RPE65: variants seen among roughly 807,000 people sequenced by gnomAD.
RPE65 encodes retinoid isomerohydrolase RPE65.
RPE65 carries 58 observed loss-of-function variants against 68.5 expected under a neutral mutation model. That is an observed-to-expected ratio of 0.85 (90% CI 0.69 to 1.05). The LOEUF is 1.05. Among genes scored for constraint, RPE65 ranks in the 50% least tolerant of loss-of-function variants. RPE65 has a pLI of 0.00. For missense variants in RPE65, 643 were observed against 629.9 expected (o/e 1.02, Z -0.22); for synonymous variants, 220 against 222.2 (o/e 0.99, Z 0.09).
intron 10 of RPE65, among the ~76,000 whole-genome samples, chr1:68,434,296 G>A (rs1247996214): frequency 1.3e-5 from 2 of 152,038 alleles, no homozygotes; most frequent in African/African-American, 4.8e-5. Context: ...CCTGTACAGA[G>A]GAGAAACTGA....
intron 2 of RPE65, among the ~76,000 whole-genome samples, chr1:68,448,335 G>A (rs1387264411): frequency 6.6e-6 from 1 of 152,188 alleles, no homozygotes; most frequent in African/African-American, 2.4e-5. Context: ...GACATTTATA[G>A]GACATTTACT....
At chr1:68,439,707 T>G in intron 6 of RPE65, 65 bp from the exon 7 acceptor site, 1 of 1,211,288 alleles carries the variant, frequency 8.3e-7, no homozygotes, top group Non-Finnish European at 1.2e-6. Context: ...TACAAAGCAT[T>G]TAGAACAGCT....
intron 2 of RPE65, 100 bp from the exon 3 acceptor site, chr1:68,446,960 T>A: frequency 6.8e-7 from 1 of 1,471,012 alleles, no homozygotes; most frequent in Non-Finnish European, 9.5e-7. Context: ...TTGGGCAGCT[T>A]CTTCCTCATA....
chr1:68,431,070 T>C lies in RPE65; in HGVS notation c.1445A>G (p.Asp482Gly), dbSNP rs749242996. The C allele has an allele frequency of 5.0e-6, 8 of 1,613,186 alleles. No individual in the cohort carries two copies. Among genetic ancestry groups the C allele is most frequent in the Non-Finnish European group, 3.4e-6 (4 of 1,179,214 alleles). Residue 482 changes from aspartate (D) to glycine (G), a missense_variant, in exon 13 of 14, where the codon GAT becomes GGT. Coordinates refer to ENST00000262340, the MANE Select transcript of RPE65 (RefSeq NM_000329.3). ...FVSHPDALEE[D>G]DGVVLSVVVS... ...ACAACAATTGCTTTCATTACCATCA[T>C]CTTCTTCCAAGGCATCTGGGTGAGA... is the stretch of plus-strand genomic sequence containing the variant.
At chr1:68,441,141 C>CCT in intron 5 of RPE65, 141 bp from the exon 6 acceptor site, 1 of 985,326 alleles carries the variant, frequency 1.0e-6, no homozygotes, top group Non-Finnish European at 1.5e-6. Flanking sequence ...TGGATTCTAC[C>CCT]CTCTTTCACC....
chr1:68,449,166 C>T (rs529707192), intron 1 of RPE65, among the ~76,000 whole-genome samples: 1 of 152,188 alleles, frequency 6.6e-6, no homozygotes, highest in Admixed American at 6.5e-5. Flanking sequence ...TTTCTTGCCT[C>T]AAGGAGAGAC....
chr1:68,448,767 A>C, intron 1 of RPE65, 61 bp from the exon 2 acceptor site: 1 of 1,413,436 alleles, frequency 7.1e-7, no homozygotes, highest in East Asian at 2.7e-5. Context: ...GCAGAGATAG[A>C]GGCAGAGCTG....
intron 5 of RPE65, among the ~76,000 whole-genome samples, chr1:68,443,863 T>A (rs1023270564): frequency 8.5e-5 from 13 of 152,212 alleles, no homozygotes; most frequent in Non-Finnish European, 1.6e-4. Context: ...AAGTTCTCCA[T>A]AAAATTTGTC....
chr1:68,448,841 T>TGGGTGG (rs1015715873), intron 1 of RPE65, 135 bp from the exon 2 acceptor site: 1 of 20,582 alleles, frequency 4.9e-5, no homozygotes, highest in African/African-American at 3.7e-4. Flanking sequence ...TAGTCTCAGC[T>TGGGTGG]GGGTGGGGGT....
chr1:68,434,684 C>G (rs1645848395), intron 10 of RPE65, among the ~76,000 whole-genome samples: 1 of 151,790 alleles, frequency 6.6e-6, no homozygotes, highest in African/African-American at 2.4e-5. Flanking sequence ...TTACTTTGTT[C>G]TATTTTGCTT....
At chr1:68,440,407 G>A (rs3125904) in intron 6 of RPE65, among the ~76,000 whole-genome samples, 26,563 of 152,052 alleles carry the variant, frequency 0.17, 2,440 homozygotes, top group Admixed American at 0.23. Flanking sequence ...ACTTCTATGA[G>A]ATAACAGATT....
At chr1:68,445,140 A>G (rs918172602) in intron 3 of RPE65, among the ~76,000 whole-genome samples, 2 of 152,118 alleles carry the variant, frequency 1.3e-5, no homozygotes, top group African/African-American at 4.8e-5. Context: ...AGTGATTGGC[A>G]TATGTGGCCA....
At chr1:68,443,268 G>A (rs1048962825) in intron 5 of RPE65, among the ~76,000 whole-genome samples, 2 of 152,212 alleles carry the variant, frequency 1.3e-5, no homozygotes, top group Non-Finnish European at 2.9e-5. Context: ...TTGCCCCCTA[G>A]GGGAAGATAC....
intron 10 of RPE65, among the ~76,000 whole-genome samples, chr1:68,433,183 T>C (rs1645838575): frequency 1.3e-5 from 2 of 152,034 alleles, no homozygotes; most frequent in South Asian, 4.1e-4. Flanking sequence ...AAAATGTAAA[T>C]GAATAAGGCA....
chr1:68,436,875 C>A (rs547918923), intron 10 of RPE65, among the ~76,000 whole-genome samples: 5 of 152,250 alleles, frequency 3.3e-5, no homozygotes, highest in Non-Finnish European at 4.4e-5. Context: ...CTCTCCCTTA[C>A]CCCTCACATG....
At chr1:68,433,394 C>T (rs1369170246) in intron 10 of RPE65, among the ~76,000 whole-genome samples, 1 of 151,926 alleles carries the variant, frequency 6.6e-6, no homozygotes, top group East Asian at 1.9e-4. Flanking sequence ...AGAGTGATTT[C>T]CCTGAGAATG....
intron 10 of RPE65, among the ~76,000 whole-genome samples, chr1:68,435,079 T>C (rs1645851405): frequency 6.6e-6 from 1 of 152,194 alleles, no homozygotes; most frequent in African/African-American, 2.4e-5. Context: ...TTCACCCTTT[T>C]CAACTTGTCT....
chr1:68,444,489 C>T (rs1400004857), intron 5 of RPE65, 42 bp downstream of exon 5: 2 of 1,612,126 alleles, frequency 1.2e-6, no homozygotes, highest in Admixed American at 1.7e-5. Flanking sequence ...TTTTAAGTTC[C>T]AAATTCTAAA....
intron 1 of RPE65, among the ~76,000 whole-genome samples, chr1:68,448,974 T>A (rs532423328): frequency 6.6e-6 from 1 of 152,100 alleles, no homozygotes; most frequent in African/African-American, 2.4e-5. Context: ...ACATGACCTC[T>A]CTTTTAATGT....
Sources: gnomAD v4.1 joint callset for allele counts (sites outside exome capture counted in the v4.1 genomes callset) on GRCh38, gnomAD v4.1.1 for gene constraint, MANE v1.5 for transcripts, NCBI Gene and HGNC (gene_info 2026-07-23, HGNC 2026-07-21) for gene names.